Variants in HTR2A observed in about 807,000 individuals in gnomAD.
HTR2A encodes the protein 5-hydroxytryptamine receptor 2A, also known as 5-HT2 receptor.
Under a neutral mutation model 31.0 loss-of-function variants are expected in HTR2A, and 14 were observed. The observed-to-expected ratio is 0.45, with a 90% CI of 0.30 to 0.71. The LOEUF (loss-of-function observed/expected upper bound fraction) is 0.71. Among genes scored for constraint, HTR2A ranks in the 30% least tolerant of loss-of-function variants. HTR2A has a pLI of 0.09. For synonymous variants in HTR2A, 209 were observed against 225.2 expected, an observed-to-expected ratio of 0.93 and a Z score of 0.64; for missense variants, 442 against 573.3, an observed-to-expected ratio of 0.77 and a Z score of 2.34.
chr13:46,835,173 G>A lies in HTR2A; in HGVS notation c.1080C>T (p.Ala360=). 6.2e-7 allele frequency: 1 copy of A among 1,614,030 alleles called. No individual in the cohort carries two copies. Among genetic ancestry groups the A allele is most frequent in the Non-Finnish European group, 8.5e-7 (1 of 1,179,972 alleles). Residue 360 remains alanine (A), a synonymous_variant, in exon 4 of 4, where the codon GCC becomes GCT. Coordinates refer to ENST00000542664, the MANE Select transcript of HTR2A (RefSeq NM_000621.5). ...CGATCCAAACAAACACATTGAGCAG[G>A]GCCCCAATGACATCCTCATTGCAGG... ...KESCNEDVIG[A]LLNVFVWIGY... is the part of the protein sequence containing the mutation.
Position 46,896,047 on chromosome 13 carries a change from C to G in HTR2A, c.-141G>C. The stretch of plus-strand genomic sequence containing the variant: ...TGTTCTCCCGGGGCTGGATTTTTGT[C>G]TTCCATTATTACAATGATAGTTAAA... On this transcript the variant is annotated 5_prime_UTR_variant, in exon 2 of 4. Coordinates refer to ENST00000542664, the MANE Select transcript of HTR2A (RefSeq NM_000621.5). 1.4e-6 allele frequency: 2 copies of G among 1,410,508 alleles called. No homozygotes were observed. Among genetic ancestry groups the G allele is most frequent in the Non-Finnish European group, 1.8e-6 (2 of 1,089,464 alleles). The allele number at this position is 1,410,508 out of a possible 1,614,324, so 87.4% of individuals were successfully genotyped here.
At position 46,895,936 on chromosome 13, in the gene HTR2A, T is replaced by A. The variant is rs78766343; in HGVS notation, c.-30A>T. ...AAGCCAGAACTTGTAGCAGATGAGGTGTAGAAGGACTAACAGGTTATAGTT... is the reference window on the plus strand; with the variant it reads ...AAGCCAGAACTTGTAGCAGATGAGGAGTAGAAGGACTAACAGGTTATAGTT... On this transcript the variant is annotated 5_prime_UTR_variant, in exon 2 of 4. Transcript: ENST00000542664. The surrounding 1 kb of genome is among the most constrained non-coding windows in gnomAD (Gnocchi z 4.4). The A allele has an allele frequency of 1.3e-6, 2 of 1,580,354 alleles. No homozygotes were observed. Among genetic ancestry groups the A allele is most frequent in the East Asian group, 4.5e-5 (2 of 44,648 alleles).
At chr13:46,887,660 A>G (rs1255149508) in intron 3 of HTR2A, among the ~76,000 whole-genome samples, 1 of 152,152 alleles carries the variant, frequency 6.6e-6, no homozygotes, top group African/African-American at 2.4e-5. Context: ...AATTAAATGA[A>G]AAAATCTAGA....
chr13:46,854,158 T>G (rs1304904088), intron 3 of HTR2A: 1 of 152,208 alleles, frequency 6.6e-6, no homozygotes, highest in African/African-American at 2.4e-5. Context: ...AGGATTTGAT[T>G]CTTAGCTAAC....
chr13:46,884,446 C>T lies in HTR2A; in HGVS notation c.613+7944G>A, dbSNP rs150588603. On this transcript the variant is annotated intron_variant, in intron 3 of 3. Coordinates refer to ENST00000542664, the MANE Select transcript of HTR2A (RefSeq NM_000621.5). ...AAACAAATCCAAGGTGGGCGGATCA[C>T]GAGGTCAGGACATCAAGACCATCCT... Among the ~76,000 whole-genome samples the T allele has an allele frequency of 6.0e-4, 91 of 152,222 alleles. 1 individual carries two copies. In the East Asian group the frequency reaches 6.6e-3, roughly 11 times the overall value.
intron 3 of HTR2A, among the ~76,000 whole-genome samples, chr13:46,884,510 A>G (rs538663302): frequency 6.6e-6 from 1 of 152,226 alleles, no homozygotes; most frequent in South Asian, 2.1e-4. Flanking sequence ...TAAAAATACA[A>G]AAAATTAGCT....
In HTR2A at chr13:46,834,208, C is replaced by G. The variant is rs1593423212; in HGVS notation, c.*629G>C. On this transcript the variant is annotated 3_prime_UTR_variant, in exon 4 of 4. Transcript: ENST00000542664. ...AGTCTTTTTCACTTCTGAGAATTAA[C>G]TTGAAATGCAGCAAATGCCAGCAAC... 2.0e-5 allele frequency: 3 copies of G among 152,616 alleles called. No homozygotes were observed. Among genetic ancestry groups the G allele is most frequent in the South Asian group, 4.1e-4 (2 of 4,830 alleles). The allele number at this position is 152,616 out of a possible 1,614,324, so 9.5% of individuals were successfully genotyped here.
At position 46,831,993 on chromosome 13, in the gene HTR2A, G is replaced by T. The variant is rs963356290; in HGVS notation, c.*2844C>A. ...CATTTGACAACTGTGTTTCACTTAGGTGTGAGTCTGTTTAAAAAGCCATAG... is the reference window on the plus strand; with the variant it reads ...CATTTGACAACTGTGTTTCACTTAGTTGTGAGTCTGTTTAAAAAGCCATAG... On this transcript the variant is annotated 3_prime_UTR_variant, in exon 4 of 4. Coordinates refer to ENST00000542664, the MANE Select transcript of HTR2A (RefSeq NM_000621.5). 1 of 152,130 alleles carries T rather than the reference G, an allele frequency of 6.6e-6. No homozygotes were observed. The highest frequency in any genetic ancestry group is 2.4e-5 in the African/African-American group (1 of 41,430). 9.4% of individuals were successfully genotyped at this position (152,130 alleles called of 1,614,324 possible). A position where few individuals can be genotyped will look rare whatever the true frequency, so the allele number is the denominator to read the frequency against.
chr13:46,834,463 T>TAACC lies in HTR2A; in HGVS notation c.*370_*373dup, dbSNP rs1283306652. 1 of 174,886 alleles carries TAACC rather than the reference T, an allele frequency of 5.7e-6. No individual in the cohort carries two copies. The highest frequency in any genetic ancestry group is 1.2e-5 in the Non-Finnish European group (1 of 82,328). The allele number at this position is 174,886 out of a possible 1,614,324, so 10.8% of individuals were successfully genotyped here. ...AGCTATTTTTATTTACAGCAATAGG[T>TAACC]AACCAACTCAATCCCATGTCATCAA... On this transcript the variant is annotated 3_prime_UTR_variant, in exon 4 of 4. Transcript: ENST00000542664.
Position 46,862,214 on chromosome 13 carries a change from T to C in HTR2A, c.614-26575A>G, listed in dbSNP as rs184129804. 3.3e-3 allele frequency among the ~76,000 whole-genome samples: 510 copies of C among 152,352 alleles called. 1 individual carries two copies. Among genetic ancestry groups the C allele is most frequent in the African/African-American group, 0.012 (495 of 41,590 alleles). ...AGCCTAACAGTCAGTACACAGCATATAGGAAATGCATATGTGGTTTTGAAC... is the reference window on the plus strand; with the variant it reads ...AGCCTAACAGTCAGTACACAGCATACAGGAAATGCATATGTGGTTTTGAAC... On this transcript the variant is annotated intron_variant, in intron 3 of 3. Transcript: ENST00000542664.
chr13:46,860,132 C>T (rs938447680), intron 3 of HTR2A, among the ~76,000 whole-genome samples: 1 of 152,174 alleles, frequency 6.6e-6, no homozygotes, highest in Non-Finnish European at 1.5e-5. Flanking sequence ...CAACTTAAGG[C>T]CTAATACCTG....
At chr13:46,841,777 G>A (rs1267664382) in intron 3 of HTR2A, among the ~76,000 whole-genome samples, 1 of 152,124 alleles carries the variant, frequency 6.6e-6, no homozygotes, top group Non-Finnish European at 1.5e-5. Context: ...CGAAGAGATT[G>A]AATTCTGGCT....
At chr13:46,851,071 C>G (rs1950680893) in intron 3 of HTR2A, among the ~76,000 whole-genome samples, 1 of 152,088 alleles carries the variant, frequency 6.6e-6, no homozygotes. Flanking sequence ...GTACATTTTT[C>G]AGGAAAGAGG....
At chr13:46,891,137 T>C (rs1408419629) in intron 3 of HTR2A, among the ~76,000 whole-genome samples, 2 of 152,258 alleles carry the variant, frequency 1.3e-5, no homozygotes, top group African/African-American at 4.8e-5. Context: ...ACAATACCTC[T>C]GTATTCTGGT....
chr13:46,891,465 C>G (rs1320263906), intron 3 of HTR2A, among the ~76,000 whole-genome samples: 3 of 152,194 alleles, frequency 2.0e-5, no homozygotes, highest in Non-Finnish European at 4.4e-5. Context: ...CTAAAATACA[C>G]AAGATATAGT....
At chr13:46,856,606 A>G (rs1361095448) in intron 3 of HTR2A, among the ~76,000 whole-genome samples, 1 of 151,954 alleles carries the variant, frequency 6.6e-6, no homozygotes, top group African/African-American at 2.4e-5. Context: ...AAAAAAAAAA[A>G]TACAAAAAAA....
chr13:46,873,192 TAAG>T (rs1396582215), intron 3 of HTR2A, among the ~76,000 whole-genome samples: 2 of 151,816 alleles, frequency 1.3e-5, no homozygotes, highest in African/African-American at 4.8e-5. Context: ...ATTCTGGTGC[TAAG>T]AAGAACTGTA....
Position 46,832,419 on chromosome 13 carries a change from TA to T in HTR2A, c.*2417del, listed in dbSNP as rs1314409442. The stretch of plus-strand genomic sequence containing the variant: ...TACAGTATACACTTGAATAGATACT[TA>T]TGGAAGAAAAAAACACATACACATT... On this transcript the variant is annotated 3_prime_UTR_variant, in exon 4 of 4. Transcript: ENST00000542664. 6.6e-6 allele frequency: 1 copy of T among 152,144 alleles called. No individual in the cohort carries two copies. The highest frequency in any genetic ancestry group is 1.9e-4 in the East Asian group (1 of 5,200). The allele number at this position is 152,144 out of a possible 1,614,324, so 9.4% of individuals were successfully genotyped here.
chr13:46,856,980 C>A lies in HTR2A; in HGVS notation c.614-21341G>T, dbSNP rs1950743127. Among the ~76,000 whole-genome samples, 3 of 152,112 alleles carry A rather than the reference C, an allele frequency of 2.0e-5. No individual in the cohort carries two copies. In the South Asian group the frequency reaches 6.2e-4, roughly 32 times the overall value. On this transcript the variant is annotated intron_variant, in intron 3 of 3. Coordinates refer to ENST00000542664, the MANE Select transcript of HTR2A (RefSeq NM_000621.5). Reference sequence around the variant, plus strand: ...CATTCAGGCTGCTAGAACGAACTGCCACAGCCTAGGTGGCTTGTAAACAAT... The same window carrying A: ...CATTCAGGCTGCTAGAACGAACTGCAACAGCCTAGGTGGCTTGTAAACAAT...
Sources: allele counts gnomAD v4.1 joint callset (sites outside exome capture counted in the v4.1 genomes callset), GRCh38; gene constraint gnomAD v4.1.1; non-coding constraint Gnocchi (gnomAD v3.1); transcripts MANE v1.5; gene names NCBI Gene and HGNC (gene_info 2026-07-23, HGNC 2026-07-21).